Variants in HHLA2 observed in about 807,000 individuals in gnomAD.
HHLA2 encodes HERV-H LTR-associating protein 2.
HHLA2 carries 48 observed loss-of-function variants against 45.9 expected under a neutral mutation model. That is an observed-to-expected ratio of 1.05 (90% CI 0.83 to 1.33). The LOEUF (loss-of-function observed/expected upper bound fraction) is 1.33. HHLA2 is among the 40% of genes most tolerant of loss of function. HHLA2 has a pLI of 0.00. For missense variants in HHLA2, 462 were observed against 494.3 expected, an observed-to-expected ratio of 0.93 and a Z score of 0.62; for synonymous variants, 161 against 173.9, an observed-to-expected ratio of 0.93 and a Z score of 0.59.
chr3:108,363,477 G>A (rs1441084935), intron 8 of HHLA2, among the ~76,000 whole-genome samples: 1 of 152,126 alleles, frequency 6.6e-6, no homozygotes, highest in Non-Finnish European at 1.5e-5. Context: ...TATTGCCCCT[G>A]CTGAAGTTAG....
chr3:108,360,387 A>C (rs1362696787), intron 7 of HHLA2, among the ~76,000 whole-genome samples: 1 of 152,206 alleles, frequency 6.6e-6, no homozygotes, highest in Non-Finnish European at 1.5e-5. Flanking sequence ...TTTTCACCAT[A>C]GATCTCAGCA....
At chr3:108,365,898 A>G (rs1192473511) in intron 8 of HHLA2, among the ~76,000 whole-genome samples, 1 of 152,050 alleles carries the variant, frequency 6.6e-6, no homozygotes, top group African/African-American at 2.4e-5. Flanking sequence ...GACAATGGGG[A>G]TTTCTAAATA....
At chr3:108,345,790 G>C (rs533764734) in intron 3 of HHLA2, among the ~76,000 whole-genome samples, 3 of 152,208 alleles carry the variant, frequency 2.0e-5, no homozygotes, top group Non-Finnish European at 4.4e-5. Context: ...TTTGGCTTTC[G>C]TAGTGCTTTT....
At chr3:108,314,457 A>G (rs1434227632) in intron 2 of HHLA2, among the ~76,000 whole-genome samples, 3 of 151,690 alleles carry the variant, frequency 2.0e-5, no homozygotes, top group South Asian at 2.1e-4. Context: ...TTGCTTCCCA[A>G]TTTTTAAATA....
chr3:108,372,083 A>T (rs1305284354), intron 8 of HHLA2, among the ~76,000 whole-genome samples: 3 of 152,060 alleles, frequency 2.0e-5, no homozygotes, highest in African/African-American at 4.8e-5. Context: ...GAAGTAAAGC[A>T]CTCCTCAGCA....
intron 1 of HHLA2, among the ~76,000 whole-genome samples, chr3:108,308,634 G>A (rs967127097): frequency 1.3e-5 from 2 of 152,150 alleles, no homozygotes; most frequent in Non-Finnish European, 1.5e-5. Context: ...CACCAACAAG[G>A]TATGAGCATT....
Position 108,341,330 on chromosome 3 carries a change from T to C in HHLA2, c.-26-10458T>C, listed in dbSNP as rs192144386. Among the ~76,000 whole-genome samples, 6 of 152,340 alleles carry C rather than the reference T, an allele frequency of 3.9e-5. No individual in the cohort carries two copies. The East Asian group carries it at 1.2e-3, about 29-fold the overall frequency. On this transcript the variant is annotated intron_variant, in intron 3 of 10. Transcript: ENST00000619531. The stretch of plus-strand genomic sequence containing the variant: ...TCAGTTAATAGTATTTTCCTTTTAA[T>C]GTTGACATAAAAATAAATAGGAATT...
At chr3:108,297,967 T>G (rs749307290) in intron 1 of HHLA2, among the ~76,000 whole-genome samples, 13 of 152,222 alleles carry the variant, frequency 8.5e-5, no homozygotes, top group Non-Finnish European at 1.8e-4. Context: ...GAGACTTGCC[T>G]AGGAGTGGAG....
chr3:108,301,260 T>C (rs899970304), intron 1 of HHLA2, among the ~76,000 whole-genome samples: 2 of 152,190 alleles, frequency 1.3e-5, no homozygotes, highest in Admixed American at 6.6e-5. Context: ...TGTTGCATGC[T>C]CTGACATAGT....
At chr3:108,320,733 A>G (rs1262255403) in intron 2 of HHLA2, among the ~76,000 whole-genome samples, 1 of 152,188 alleles carries the variant, frequency 6.6e-6, no homozygotes, top group African/African-American at 2.4e-5. Flanking sequence ...TGTCTAGGAC[A>G]AGATGAACTT....
intron 8 of HHLA2, among the ~76,000 whole-genome samples, chr3:108,364,945 T>C (rs998321242): frequency 6.6e-6 from 1 of 152,206 alleles, no homozygotes; most frequent in African/African-American, 2.4e-5. Flanking sequence ...ATTCTGTAGG[T>C]TGCCTGCTCA....
At chr3:108,357,620 A>C (rs183229769) in intron 6 of HHLA2, among the ~76,000 whole-genome samples, 37 of 152,318 alleles carry the variant, frequency 2.4e-4, no homozygotes, top group African/African-American at 7.9e-4. Flanking sequence ...GCCCTGGCTT[A>C]GCCCTCCTTG....
chr3:108,325,838 C>T (rs1041590497), intron 2 of HHLA2: 2 of 356,660 alleles, frequency 5.6e-6, no homozygotes, highest in East Asian at 7.4e-5. Context: ...ACTACCTCCA[C>T]GACCACCACT....
intron 3 of HHLA2, among the ~76,000 whole-genome samples, chr3:108,345,143 G>A (rs2081639580): frequency 1.3e-5 from 2 of 152,186 alleles, no homozygotes; most frequent in Non-Finnish European, 2.9e-5. Context: ...GAAGGAGGAT[G>A]ACACAGAGAA....
chr3:108,367,144 G>C (rs538635837), intron 8 of HHLA2, among the ~76,000 whole-genome samples: 1 of 152,290 alleles, frequency 6.6e-6, no homozygotes, highest in East Asian at 1.9e-4. Context: ...CTAACAAACA[G>C]AAAGCAGTAA....
At chr3:108,376,657 CTTTT>C in intron 10 of HHLA2, 100 bp downstream of exon 9, 3 of 1,022,656 alleles carry the variant, frequency 2.9e-6, no homozygotes, top group Admixed American at 2.5e-5. Flanking sequence ...TCAAGCAAGA[CTTTT>C]ATACAGAAAA....
chr3:108,318,660 A>T lies in HHLA2; in HGVS notation c.-105+7919A>T, dbSNP rs1033689542. On this transcript the variant is annotated intron_variant, in intron 2 of 10. Coordinates refer to ENST00000619531, the Ensembl canonical transcript of HHLA2. ...AATTAGAAAATGGAGAAGAAAAAAA[A>T]ATCACAACTCTATCATGTAAAGAAA... is the stretch of plus-strand genomic sequence containing the variant. 2.6e-5 allele frequency among the ~76,000 whole-genome samples: 4 copies of T among 152,224 alleles called. 1 individual carries two copies. The highest frequency in any genetic ancestry group is 2.6e-4 in the Admixed American group (4 of 15,282).
At chr3:108,323,357 G>A (rs1377803911) in intron 2 of HHLA2, among the ~76,000 whole-genome samples, 1 of 152,038 alleles carries the variant, frequency 6.6e-6, no homozygotes, top group Admixed American at 6.6e-5. Flanking sequence ...TCACATGCAT[G>A]CCTGTATCAA....
rs111334933 is a variant in HHLA2, at chr3:108,301,852, C to T, written c.-192+5253C>T. Among the ~76,000 whole-genome samples the T allele has an allele frequency of 1.2e-3, 182 of 152,224 alleles. 2 individuals carry two copies. The highest frequency in any genetic ancestry group is 4.3e-3 in the African/African-American group (178 of 41,556). On this transcript the variant is annotated intron_variant, in intron 1 of 10. Transcript: ENST00000619531. The stretch of plus-strand genomic sequence containing the variant: ...TAACTCCTCTATTGTTTCTCTTCTG[C>T]TTCTAAATTGGTTTCATCCGAGTGA...
Sources: allele counts gnomAD v4.1 joint callset (sites outside exome capture counted in the v4.1 genomes callset), GRCh38; gene constraint gnomAD v4.1.1; transcripts MANE v1.5; gene names NCBI Gene and HGNC (gene_info 2026-07-23, HGNC 2026-07-21).